MYPN: variants seen among roughly 807,000 people sequenced by gnomAD.
The protein encoded by MYPN is sarcomeric protein myopalladin, 145 kDa (MYOP).
Under a neutral mutation model 129.4 loss-of-function variants are expected in MYPN, and 63 were observed. The ratio of observed to expected loss-of-function variants is 0.49; its 90% CI spans 0.40 to 0.60. MYPN has a LOEUF of 0.60. Ranked by LOEUF, MYPN falls within the 20% of genes least tolerant of loss-of-function variation. The pLI, the probability that MYPN is intolerant of heterozygous loss-of-function variation, is 0.00. For missense variants in MYPN, 1,596 were observed against 1,635.4 expected, an observed-to-expected ratio of 0.98 and a Z score of 0.42; for synonymous variants, 629 against 600.9, an observed-to-expected ratio of 1.05 and a Z score of -0.68.
chr10:68,177,894 C>T (rs2043252910), intron 12 of MYPN, among the ~76,000 whole-genome samples: 2 of 152,082 alleles, frequency 1.3e-5, no homozygotes, highest in South Asian at 4.2e-4. Flanking sequence ...TATTTTAGTT[C>T]TAAGTAAATA....
At position 68,174,667 on chromosome 10, in the gene MYPN, T is replaced by C; in HGVS notation, c.2564+11T>C. 1.9e-6 allele frequency: 3 copies of C among 1,611,654 alleles called. No individual in the cohort carries two copies. Among genetic ancestry groups the C allele is most frequent in the Non-Finnish European group, 2.5e-6 (3 of 1,177,812 alleles). ...AAGTGCACCATCCATGTAAGTGTCA[T>C]TGAGGTTTCTTGATGTAAGATGCTA... is the stretch of plus-strand genomic sequence containing the variant. On this transcript the variant is annotated intron_variant, in intron 11 of 19. Transcript: ENST00000358913.
At chr10:68,160,895 C>T in intron 7 of MYPN, among the ~76,000 whole-genome samples, 1 of 152,266 alleles carries the variant, frequency 6.6e-6, no homozygotes, top group East Asian at 1.9e-4. Context: ...CCAGCCTGGG[C>T]AACAGAGTGA....
In MYPN at chr10:68,143,054, T is replaced by C; in HGVS notation, c.1017T>C (p.Tyr339=). ...AEAFEEDTGR[Y]SCFASNIYGT... ...CCTTTGAAGAGGACACAGGACGCTA[T>C]TCCTGCTTTGCTTCTAACATCTATG... is the stretch of plus-strand genomic sequence containing the variant. The change falls in exon 3 of 20, where the codon TAT becomes TAC. Residue 339 remains tyrosine, a synonymous_variant. Transcript: ENST00000358913. The C allele has an allele frequency of 6.2e-7, 1 of 1,614,190 alleles. No homozygotes were observed. The highest frequency in any genetic ancestry group is 1.1e-5 in the South Asian group (1 of 91,088).
Position 68,166,415 on chromosome 10 carries a change from C to A in MYPN, c.1722C>A (p.Pro574=), listed in dbSNP as rs1003969153. Residue 574 remains proline (P), a synonymous_variant, in exon 10 of 20, where the codon CCC becomes CCA. Coordinates refer to ENST00000358913, the MANE Select transcript of MYPN (RefSeq NM_032578.4). ...HSEPPSVEQP[P]KPKLEGVLVN... Reference sequence around the variant, plus strand: ...AGCCTCCATCTGTGGAACAACCCCCCAAACCCAAACTCGAGGGGGTTCTGG... The same window carrying A: ...AGCCTCCATCTGTGGAACAACCCCCAAAACCCAAACTCGAGGGGGTTCTGG... 2 of 1,614,130 alleles carry A rather than the reference C, an allele frequency of 1.2e-6. No homozygotes were observed. Among genetic ancestry groups the A allele is most frequent in the South Asian group, 1.1e-5 (1 of 91,070 alleles).
upstream of MYPN, among the ~76,000 whole-genome samples, chr10:68,108,731 AT>A (rs1161616756): frequency 4.0e-5 from 6 of 151,474 alleles, no homozygotes; most frequent in Non-Finnish European, 7.4e-5. Context: ...TAATTTTATT[AT>A]TTTTTTTGAG....
chr10:68,172,229 C>G lies in MYPN; in HGVS notation c.1974-1837C>G, dbSNP rs192733754. Among the ~76,000 whole-genome samples, 190 of 152,206 alleles carry G rather than the reference C, an allele frequency of 1.2e-3. No individual in the cohort carries two copies. The South Asian group carries it at 0.018, about 15-fold the overall frequency. ...AAATTGCTGGGTGTGGAGGCACGCACCTGTGGTCCCAGCTACTTGGGAGGC... is the reference window on the plus strand; with the variant it reads ...AAATTGCTGGGTGTGGAGGCACGCAGCTGTGGTCCCAGCTACTTGGGAGGC... On this transcript the variant is annotated intron_variant, in intron 10 of 19. Coordinates refer to ENST00000358913, the MANE Select transcript of MYPN (RefSeq NM_032578.4).
intron 2 of MYPN, among the ~76,000 whole-genome samples, chr10:68,140,020 G>A (rs2042550132): frequency 6.6e-6 from 1 of 152,164 alleles, no homozygotes; most frequent in South Asian, 2.1e-4. Context: ...CTGAGGATAA[G>A]GGGGCTATAT....
At chr10:68,136,943 C>G (rs1156990539) in intron 2 of MYPN, among the ~76,000 whole-genome samples, 1 of 152,012 alleles carries the variant, frequency 6.6e-6, no homozygotes, top group African/African-American at 2.4e-5. Flanking sequence ...AAATAACATG[C>G]CAGTGGTTCA....
chr10:68,129,186 C>A (rs748713947), intron 2 of MYPN, among the ~76,000 whole-genome samples: 1 of 152,102 alleles, frequency 6.6e-6, no homozygotes, highest in Non-Finnish European at 1.5e-5. Flanking sequence ...GGAAGAGGCT[C>A]GGCCGTCTGT....
chr10:68,180,494 A>G (rs1265252117), intron 12 of MYPN, among the ~76,000 whole-genome samples: 1 of 152,178 alleles, frequency 6.6e-6, no homozygotes, highest in Non-Finnish European at 1.5e-5. Context: ...CCTACCTCCA[A>G]GTTTATTTAA....
intron 12 of MYPN, among the ~76,000 whole-genome samples, chr10:68,184,101 T>C (rs1186064791): frequency 1.3e-5 from 2 of 152,228 alleles, no homozygotes; most frequent in African/African-American, 4.8e-5. Flanking sequence ...TATTTTATTC[T>C]ATAGACCTCA....
At chr10:68,118,910 G>GAAGGAAGGA (rs1352407000) in intron 1 of MYPN, among the ~76,000 whole-genome samples, 10 of 150,726 alleles carry the variant, frequency 6.6e-5, no homozygotes, top group Non-Finnish European at 1.2e-4. Context: ...AGGAAGGAAG[G>GAAGGAAGGA]AAGGAAGGAA....
At chr10:68,150,961 A>G (rs1164161521) in intron 6 of MYPN, among the ~76,000 whole-genome samples, 1 of 152,178 alleles carries the variant, frequency 6.6e-6, no homozygotes, top group Non-Finnish European at 1.5e-5. Flanking sequence ...ATGGTTCTCA[A>G]TCATGGTTAA....
At chr10:68,145,129 A>G (rs1424378628) in intron 3 of MYPN, among the ~76,000 whole-genome samples, 2 of 151,358 alleles carry the variant, frequency 1.3e-5, no homozygotes, top group African/African-American at 4.9e-5. Flanking sequence ...GGTTCAAGCT[A>G]TTCTCCTGCC....
In MYPN at chr10:68,210,299, T is replaced by A; in HGVS notation, c.3807T>A (p.His1269Gln). The change falls in exon 20 of 20, where the codon CAT becomes CAA. Residue 1269 changes from histidine to glutamine, a missense_variant. By Grantham distance (24) the His-to-Gln change is conservative. Coordinates refer to ENST00000358913, the MANE Select transcript of MYPN (RefSeq NM_032578.4). Reference protein sequence around the residue: ...ARLDIYAQWHHQIPPPMSVRP... With the variant: ...ARLDIYAQWHQQIPPPMSVRP... ...TCCATTTTCCAGCTCAGTGGCACCA[T>A]CAGATCCCACCGCCCATGTCTGTCC... is the stretch of plus-strand genomic sequence containing the variant. 1 of 1,613,570 alleles carries A rather than the reference T, an allele frequency of 6.2e-7. No individual in the cohort carries two copies. The highest frequency in any genetic ancestry group is 8.5e-7 in the Non-Finnish European group (1 of 1,180,008).
intron 1 of MYPN, chr10:68,114,123 A>T (rs2042120153): frequency 6.6e-6 from 1 of 152,180 alleles, no homozygotes; most frequent in African/African-American, 2.4e-5. Flanking sequence ...TTTATGTTTG[A>T]ATTCAAGTTA....
intron 16 of MYPN, 132 bp downstream of exon 16, chr10:68,197,610 CT>C: frequency 8.9e-7 from 1 of 1,118,716 alleles, no homozygotes. Flanking sequence ...AGACAGATCA[CT>C]TTTTTTCATC....
At chr10:68,106,558 T>G (rs898306370), upstream of MYPN, 2 of 677,426 alleles carry the variant, frequency 3.0e-6, no homozygotes, top group Non-Finnish European at 5.3e-6. Context: ...TTTAGTTTTT[T>G]CATCTGATAC....
chr10:68,099,557 T>C (rs950961883), intron 1 of MYPN, among the ~76,000 whole-genome samples: 5 of 151,900 alleles, frequency 3.3e-5, no homozygotes, highest in Non-Finnish European at 7.4e-5. Flanking sequence ...TGAGAATCAC[T>C]TGAACTTGGG....
Sources: allele counts gnomAD v4.1 joint callset (sites outside exome capture counted in the v4.1 genomes callset), GRCh38; gene constraint gnomAD v4.1.1; transcripts MANE v1.5; gene names NCBI Gene and HGNC (gene_info 2026-07-23, HGNC 2026-07-21).